MRTFB: variants seen among roughly 807,000 people sequenced by gnomAD.
MRTFB encodes myocardin-related transcription factor B.
A neutral mutation model predicts 104.2 loss-of-function variants in MRTFB; 29 were observed. The ratio of observed to expected loss-of-function variants is 0.28; its 90% CI spans 0.21 to 0.38. The LOEUF (loss-of-function observed/expected upper bound fraction) is 0.38. Among genes scored for constraint, MRTFB ranks in the 10% least tolerant of loss-of-function variants. The probability of loss-of-function intolerance (pLI) is 1.00; values close to 1 mark genes in which losing one functional copy is unlikely to be tolerated. For missense variants in MRTFB, 1,270 were observed against 1,341.6 expected (o/e 0.95, Z 0.83); for synonymous variants, 535 against 519.5 (o/e 1.03, Z -0.41).
At chr16:14,208,857 A>G (rs138086201) in intron 3 of MRTFB, among the ~76,000 whole-genome samples, 4 of 152,316 alleles carry the variant, frequency 2.6e-5, no homozygotes, top group Non-Finnish European at 4.4e-5. Flanking sequence ...AGGAATGTGC[A>G]TATCTTTTTT....
At chr16:14,032,413 G>A in the MRTFB span, among the ~76,000 whole-genome samples, 12 of 152,190 alleles carry the variant, frequency 7.9e-5, no homozygotes, top group African/African-American at 1.2e-4. Flanking sequence ...GCTCCACTCC[G>A]TTCCCCATAT....
At chr16:14,195,289 A>G (rs369728993) in intron 3 of MRTFB, among the ~76,000 whole-genome samples, 11 of 152,264 alleles carry the variant, frequency 7.2e-5, no homozygotes, top group African/African-American at 2.2e-4. Flanking sequence ...TAATGTGGCA[A>G]TCCTCTATGC....
At chr16:14,062,734 C>A in the MRTFB span, among the ~76,000 whole-genome samples, 91 of 152,278 alleles carry the variant, frequency 6.0e-4, no homozygotes, top group Non-Finnish European at 1.2e-3. Context: ...GAACTTGAGG[C>A]TAAGCTTCTA....
the MRTFB span, among the ~76,000 whole-genome samples, chr16:14,065,542 T>G: frequency 6.6e-6 from 1 of 152,154 alleles, no homozygotes; most frequent in Non-Finnish European, 1.5e-5. Flanking sequence ...GTTCTGGTTT[T>G]CAAGGGGAAT....
chr16:14,051,323 A>G, the MRTFB span, among the ~76,000 whole-genome samples: 1 of 152,046 alleles, frequency 6.6e-6, no homozygotes, highest in Non-Finnish European at 1.5e-5. Context: ...ATACACACAT[A>G]GACATTCACA....
At chr16:14,207,108 A>G (rs2040982136) in intron 3 of MRTFB, among the ~76,000 whole-genome samples, 1 of 152,178 alleles carries the variant, frequency 6.6e-6, no homozygotes, top group African/African-American at 2.4e-5. Context: ...GACACCTAAC[A>G]GATATGCTCT....
chr16:14,260,807 G>T, intron 16 of MRTFB, 102 bp from the exon 17 acceptor site: 2 of 979,338 alleles, frequency 2.0e-6, no homozygotes, highest in Non-Finnish European at 1.5e-6. Context: ...GACGTGCATA[G>T]AAGGAATCGC....
the MRTFB span, among the ~76,000 whole-genome samples, chr16:14,001,712 C>T: frequency 3.4e-4 from 52 of 152,212 alleles, no homozygotes; most frequent in African/African-American, 1.0e-3. Context: ...AAAACCAGGC[C>T]GGCGGGCTCC....
intron 8 of MRTFB, among the ~76,000 whole-genome samples, chr16:14,219,925 A>C (rs774886807): frequency 6.6e-6 from 1 of 152,180 alleles, no homozygotes; most frequent in Non-Finnish European, 1.5e-5. Context: ...CTTGGAACAG[A>C]AAAGGTGCTT....
chr16:14,003,746 G>A, the MRTFB span, among the ~76,000 whole-genome samples: 1 of 151,550 alleles, frequency 6.6e-6, no homozygotes, highest in Non-Finnish European at 1.5e-5. Flanking sequence ...TTTGCCTGGA[G>A]ACTAGAGGGG....
At chr16:14,092,282 C>T (rs1356349678) in intron 2 of MRTFB, among the ~76,000 whole-genome samples, 2 of 151,982 alleles carry the variant, frequency 1.3e-5, no homozygotes, top group South Asian at 2.1e-4. Flanking sequence ...CTGTACTTGG[C>T]GCATAGTGGG....
chr16:14,209,549 T>G (rs952018696), intron 3 of MRTFB, among the ~76,000 whole-genome samples: 1 of 152,282 alleles, frequency 6.6e-6, no homozygotes, highest in South Asian at 2.1e-4. Context: ...AGAAAAAAAT[T>G]AATTTTTTAT....
intron 9 of MRTFB, 85 bp from the exon 10 acceptor site, chr16:14,240,152 A>T: frequency 6.9e-7 from 1 of 1,452,274 alleles, no homozygotes; most frequent in South Asian, 1.4e-5. Context: ...ATTTCTTTTT[A>T]ATTTCAAATC....
chr16:14,190,177 T>C (rs1264303044), intron 3 of MRTFB, among the ~76,000 whole-genome samples: 2 of 152,216 alleles, frequency 1.3e-5, no homozygotes, highest in Non-Finnish European at 2.9e-5. Flanking sequence ...TTTTCTTCTC[T>C]AGGAGAGAAC....
chr16:14,035,858 T>A, the MRTFB span, among the ~76,000 whole-genome samples: 1 of 151,750 alleles, frequency 6.6e-6, no homozygotes, highest in Non-Finnish European at 1.5e-5. Flanking sequence ...CAATTTGTAG[T>A]CTTTTATCCC....
intron 9 of MRTFB, among the ~76,000 whole-genome samples, chr16:14,235,381 T>A (rs1484702450): frequency 6.6e-6 from 1 of 152,086 alleles, no homozygotes; most frequent in Non-Finnish European, 1.5e-5. Flanking sequence ...TTATACCTCC[T>A]CTCCCAACAT....
At chr16:14,161,248 C>T (rs905051071) in intron 3 of MRTFB, among the ~76,000 whole-genome samples, 2 of 151,966 alleles carry the variant, frequency 1.3e-5, no homozygotes, top group East Asian at 1.9e-4. Context: ...TTTCCAGATA[C>T]GAAGACCTGT....
At chr16:14,011,287 T>A in the MRTFB span, among the ~76,000 whole-genome samples, 1 of 152,248 alleles carries the variant, frequency 6.6e-6, no homozygotes, top group Non-Finnish European at 1.5e-5. Context: ...CAGCTGGTTC[T>A]GGTGCTACCC....
intron 1 of MRTFB, among the ~76,000 whole-genome samples, chr16:14,078,031 A>G (rs2034170090): frequency 6.6e-6 from 1 of 152,074 alleles, no homozygotes; most frequent in Non-Finnish European, 1.5e-5. Flanking sequence ...TACCCTAACA[A>G]TGGTGCTGCT....
Sources: gnomAD v4.1 joint callset for allele counts (sites outside exome capture counted in the v4.1 genomes callset) on GRCh38, gnomAD v4.1.1 for gene constraint, MANE v1.5 for transcripts, NCBI Gene and HGNC (gene_info 2026-07-23, HGNC 2026-07-21) for gene names.